The following PCDH15 variants were observed in gnomAD, a reference collection of about 807,000 sequenced individuals.
PCDH15 encodes protocadherin-15.
PCDH15 carries 129 observed loss-of-function variants against 178.5 expected under a neutral mutation model. The observed-to-expected ratio is 0.72, with a 90% confidence interval of 0.63 to 0.84. The LOEUF is 0.84. PCDH15 is among the 40% of genes least tolerant of loss of function. The pLI is 0.00. For synonymous variants in PCDH15, 800 were observed against 732.0 expected (o/e 1.09, Z -1.50); for missense variants, 2,230 against 2,099.9 (o/e 1.06, Z -1.21).
intron 1 of PCDH15, among the ~76,000 whole-genome samples, chr10:54,762,473 T>G (rs887035902): frequency 6.6e-6 from 1 of 152,160 alleles, no homozygotes; most frequent in South Asian, 2.1e-4. Flanking sequence ...TTGTAACTTT[T>G]ATGGCATAGC....
At chr10:54,604,459 T>C (rs1038975328) in intron 2 of PCDH15, among the ~76,000 whole-genome samples, 1 of 152,006 alleles carries the variant, frequency 6.6e-6, no homozygotes, top group Non-Finnish European at 1.5e-5. Context: ...TGATATTGAG[T>C]GCATATACAT....
chr10:54,086,881 A>G (rs531540908), intron 16 of PCDH15, among the ~76,000 whole-genome samples: 56 of 152,350 alleles, frequency 3.7e-4, no homozygotes, highest in African/African-American at 1.3e-3. Flanking sequence ...TTGCATTGAC[A>G]TAATTTACAC....
intron 11 of PCDH15, among the ~76,000 whole-genome samples, chr10:54,192,100 G>A (rs1464200788): frequency 9.7e-5 from 9 of 92,710 alleles, no homozygotes; most frequent in South Asian, 4.2e-4. Flanking sequence ...AGGAAGGAAG[G>A]AAGAAAGAAA....
At chr10:54,062,249 A>C (rs1215585138) in intron 18 of PCDH15, among the ~76,000 whole-genome samples, 4 of 116,370 alleles carry the variant, frequency 3.4e-5, no homozygotes, top group South Asian at 2.7e-4. Flanking sequence ...AAAAAAAAAA[A>C]AAACAAAAAA....
intron 3 of PCDH15, among the ~76,000 whole-genome samples, chr10:54,492,624 C>T (rs962745043): frequency 6.6e-6 from 1 of 152,070 alleles, no homozygotes; most frequent in Admixed American, 6.6e-5. Context: ...TTCTGAGTAG[C>T]ATGATAAAAT....
At chr10:54,305,422 A>T (rs2133352007) in intron 8 of PCDH15, among the ~76,000 whole-genome samples, 1 of 152,142 alleles carries the variant, frequency 6.6e-6, no homozygotes, top group East Asian at 1.9e-4. Context: ...AGGTACCTTT[A>T]TACAAAGTCA....
chr10:54,605,133 A>T (rs948121007), intron 2 of PCDH15, among the ~76,000 whole-genome samples: 17 of 151,904 alleles, frequency 1.1e-4, no homozygotes, highest in African/African-American at 3.1e-4. Flanking sequence ...TATATTTAAT[A>T]CTTTTTTAAA....
intron 2 of PCDH15, among the ~76,000 whole-genome samples, chr10:55,163,378 G>C (rs182466680): frequency 4.9e-4 from 75 of 152,160 alleles, no homozygotes; most frequent in Admixed American, 1.4e-3. Context: ...ATCTCACAAA[G>C]TTATATTCAA....
At chr10:55,534,272 G>A (rs1423117119) in intron 2 of PCDH15, among the ~76,000 whole-genome samples, 2 of 152,008 alleles carry the variant, frequency 1.3e-5, no homozygotes, top group African/African-American at 4.8e-5. Flanking sequence ...AACTATCATA[G>A]AGTAAACAGA....
intron 3 of PCDH15, among the ~76,000 whole-genome samples, chr10:54,812,261 CT>C (rs1952874393): frequency 6.7e-6 from 1 of 148,722 alleles, no homozygotes; most frequent in Non-Finnish European, 1.5e-5. Flanking sequence ...CCACCTTCTT[CT>C]CTTCCTCTTC....
At chr10:54,221,152 A>G (rs1329442577) in intron 9 of PCDH15, among the ~76,000 whole-genome samples, 1 of 152,170 alleles carries the variant, frequency 6.6e-6, no homozygotes, top group African/African-American at 2.4e-5. Flanking sequence ...TATGTTTATT[A>G]TCACAATTAT....
chr10:55,386,550 A>T (rs1329595495), intron 2 of PCDH15, among the ~76,000 whole-genome samples: 1 of 152,044 alleles, frequency 6.6e-6, no homozygotes, highest in African/African-American at 2.4e-5. Context: ...CATAGATCCA[A>T]TGATATACCC....
chr10:54,425,912 GGACCA>G (rs1956220875), intron 3 of PCDH15, among the ~76,000 whole-genome samples: 1 of 151,992 alleles, frequency 6.6e-6, no homozygotes. Context: ...TAATAGCATT[GGACCA>G]GAATAGTCAC....
At chr10:55,539,940 A>C (rs1033272571) in intron 2 of PCDH15, among the ~76,000 whole-genome samples, 1 of 152,092 alleles carries the variant, frequency 6.6e-6, no homozygotes, top group Admixed American at 6.6e-5. Flanking sequence ...CATTGGTCTC[A>C]TTACTTAAAA....
intron 3 of PCDH15, among the ~76,000 whole-genome samples, chr10:54,809,432 C>T (rs1429691181): frequency 6.6e-6 from 1 of 152,042 alleles, no homozygotes; most frequent in Non-Finnish European, 1.5e-5. Context: ...TTAAATGCTT[C>T]AATTTTTAGC....
chr10:54,174,763 T>C (rs1436764486), intron 13 of PCDH15, among the ~76,000 whole-genome samples: 1 of 132,652 alleles, frequency 7.5e-6, no homozygotes, highest in East Asian at 2.2e-4. Context: ...GGGAGTGCAA[T>C]GGCGCGATCT....
At chr10:54,386,684 A>G (rs1197672834) in intron 3 of PCDH15, among the ~76,000 whole-genome samples, 1 of 152,208 alleles carries the variant, frequency 6.6e-6, no homozygotes, top group Non-Finnish European at 1.5e-5. Context: ...AAGAAGATAT[A>G]CAAATAATCA....
In PCDH15 at chr10:53,840,389, T is replaced by G. The variant is rs369939312; in HGVS notation, c.3914A>C (p.Lys1305Thr). The G allele has an allele frequency of 9.3e-6, 15 of 1,613,976 alleles. No individual in the cohort carries two copies. Among genetic ancestry groups the G allele is most frequent in the African/African-American group, 2.7e-5 (2 of 74,908 alleles). Residue 1305 changes from lysine to threonine, a missense_variant, in exon 29 of 38, where the codon AAA becomes ACA. Coordinates refer to ENST00000644397, the MANE Select transcript of PCDH15 (RefSeq NM_001384140.1). ...AATTGCATAGACAGTCAAGTCACATTTGGTGTAATCTTCTAGGGAAAAGGC... is the reference window on the plus strand; with the variant it reads ...AATTGCATAGACAGTCAAGTCACATGTGGTGTAATCTTCTAGGGAAAAGGC... The part of the protein sequence containing the change: ...GDAFSLEDYT[K>T]CDLTVYAIDP...
intron 1 of PCDH15, among the ~76,000 whole-genome samples, chr10:54,730,925 C>T (rs1192089021): frequency 6.6e-6 from 1 of 151,096 alleles, no homozygotes; most frequent in African/African-American, 2.4e-5. Flanking sequence ...TTACATTAGG[C>T]TAAAAACCTT....
Sources: allele counts gnomAD v4.1 joint callset (sites outside exome capture counted in the v4.1 genomes callset), GRCh38; gene constraint gnomAD v4.1.1; transcripts MANE v1.5; gene names NCBI Gene and HGNC (gene_info 2026-07-23, HGNC 2026-07-21).